The following GLT1D1 variants were observed in gnomAD, a reference collection of about 807,000 sequenced individuals.
GLT1D1 encodes the protein glycosyltransferase 1 domain-containing protein 1.
Under a neutral mutation model 28.7 loss-of-function variants are expected in GLT1D1, and 21 were observed. That is an observed-to-expected ratio of 0.73 (90% CI 0.52 to 1.05). GLT1D1 has a LOEUF of 1.05. Among genes scored for constraint, GLT1D1 ranks in the 50% least tolerant of loss-of-function variants. The pLI is 0.00. For missense variants in GLT1D1, 343 were observed against 330.6 expected, an observed-to-expected ratio of 1.04 and a Z score of -0.29; for synonymous variants, 147 against 124.8, an observed-to-expected ratio of 1.18 and a Z score of -1.19.
At chr12:128,872,196 G>A (rs1956708243) in intron 1 of GLT1D1, among the ~76,000 whole-genome samples, 2 of 151,708 alleles carry the variant, frequency 1.3e-5, no homozygotes, top group African/African-American at 2.4e-5. Flanking sequence ...CGCCTACCTC[G>A]GCCTCCCAAA....
At chr12:128,875,383 C>G (rs1487607239) in intron 1 of GLT1D1, among the ~76,000 whole-genome samples, 2 of 152,212 alleles carry the variant, frequency 1.3e-5, no homozygotes, top group Non-Finnish European at 2.9e-5. Flanking sequence ...TCCTGGGTAT[C>G]TGAGACTGGC....
At chr12:128,933,364 C>T (rs1243406581) in intron 4 of GLT1D1, among the ~76,000 whole-genome samples, 6 of 152,286 alleles carry the variant, frequency 3.9e-5, no homozygotes, top group Non-Finnish European at 8.8e-5. Context: ...ACGTCAGAAA[C>T]AAGCTCTATT....
intron 1 of GLT1D1, among the ~76,000 whole-genome samples, chr12:128,866,943 G>A (rs1336094653): frequency 2.6e-5 from 4 of 151,980 alleles, no homozygotes; most frequent in East Asian, 2.0e-4. Flanking sequence ...CTTCTTTAGC[G>A]GGAACTCCCC....
intron 7 of GLT1D1, among the ~76,000 whole-genome samples, chr12:128,975,038 C>A (rs76171418): frequency 6.6e-6 from 1 of 152,106 alleles, no homozygotes; most frequent in Non-Finnish European, 1.5e-5. Flanking sequence ...AGTGCCCCCC[C>A]GCACCTGCAC....
rs146284838 is a variant in GLT1D1, at chr12:128,960,588, C to G, written c.639+2945C>G. Among the ~76,000 whole-genome samples the G allele has an allele frequency of 2.3e-3, 357 of 151,966 alleles. 3 individuals carry two copies. The highest frequency in any genetic ancestry group is 7.9e-3 in the African/African-American group (328 of 41,418). ...GCCTGGCAAACATGCAAAACCCTGT[C>G]TCTACTAAAAATATGAAAATGAGCC... On this transcript the variant is annotated intron_variant, in intron 7 of 7. Coordinates refer to ENST00000281703, the MANE Select transcript of GLT1D1 (RefSeq NM_144669.3).
At chr12:128,861,555 G>A (rs923904827) in intron 1 of GLT1D1, among the ~76,000 whole-genome samples, 2 of 152,218 alleles carry the variant, frequency 1.3e-5, no homozygotes, top group Non-Finnish European at 2.9e-5. Context: ...CCAGCCAGGA[G>A]TGTGTTGACA....
At chr12:128,978,897 G>A (rs1051590534) in intron 7 of GLT1D1, among the ~76,000 whole-genome samples, 3 of 152,182 alleles carry the variant, frequency 2.0e-5, no homozygotes, top group Admixed American at 6.5e-5. Context: ...TGGGGCTGGC[G>A]GGAGTGTAGC....
Position 128,984,709 on chromosome 12 carries a change from G to A in GLT1D1, c.*1619G>A, listed in dbSNP as rs1362409182. On this transcript the variant is annotated 3_prime_UTR_variant, in exon 8 of 8. Coordinates refer to ENST00000281703, the MANE Select transcript of GLT1D1 (RefSeq NM_144669.3). ...GAGGATGGCCTGGTCTGAATCTGGA[G>A]TAATTAATGCCACCCAAAGAAAAGG... The A allele has an allele frequency of 6.6e-6, 1 of 152,306 alleles. No individual in the cohort carries two copies. Among genetic ancestry groups the A allele is most frequent in the Non-Finnish European group, 1.5e-5 (1 of 68,160 alleles). The allele number at this position is 152,306 out of a possible 1,614,324, so 9.4% of individuals were successfully genotyped here.
intron 6 of GLT1D1, among the ~76,000 whole-genome samples, chr12:128,949,264 G>C (rs1052147675): frequency 6.6e-6 from 1 of 152,064 alleles, no homozygotes; most frequent in South Asian, 2.1e-4. Context: ...CGGATGAATC[G>C]CTGTCAAACC....
intron 1 of GLT1D1, among the ~76,000 whole-genome samples, chr12:128,869,426 T>A (rs1190576018): frequency 1.3e-5 from 2 of 152,120 alleles, no homozygotes; most frequent in Admixed American, 6.6e-5. Flanking sequence ...CGTCTTGGCC[T>A]CCTAAAGTGC....
chr12:128,970,424 G>T (rs530777552), intron 7 of GLT1D1, among the ~76,000 whole-genome samples: 1 of 152,202 alleles, frequency 6.6e-6, no homozygotes, highest in Non-Finnish European at 1.5e-5. Context: ...GGGCTGTAGG[G>T]TCTTGCCTGG....
At chr12:128,868,544 G>A (rs1161491460) in intron 1 of GLT1D1, among the ~76,000 whole-genome samples, 2 of 152,222 alleles carry the variant, frequency 1.3e-5, no homozygotes, top group Admixed American at 6.5e-5. Context: ...ACTAACAGGT[G>A]TTGTGGATCT....
intron 1 of GLT1D1, among the ~76,000 whole-genome samples, chr12:128,869,989 C>A (rs1956642198): frequency 6.8e-6 from 1 of 147,548 alleles, no homozygotes; most frequent in Non-Finnish European, 1.5e-5. Context: ...TGGCTTACTG[C>A]AACCTCTGTG....
chr12:128,912,216 T>C (rs1363148819), intron 4 of GLT1D1, among the ~76,000 whole-genome samples: 1 of 152,240 alleles, frequency 6.6e-6, no homozygotes, highest in Non-Finnish European at 1.5e-5. Flanking sequence ...TTATAGATGC[T>C]GTATTTTTAA....
intron 2 of GLT1D1, among the ~76,000 whole-genome samples, chr12:128,884,704 C>A (rs567361300): frequency 6.6e-6 from 1 of 151,992 alleles, no homozygotes; most frequent in African/African-American, 2.4e-5. Context: ...ATCCCAGCTA[C>A]TTGGGAGGCT....
At chr12:128,973,245 C>T (rs185871682) in intron 7 of GLT1D1, among the ~76,000 whole-genome samples, 1 of 126,982 alleles carries the variant, frequency 7.9e-6, no homozygotes. Flanking sequence ...TCCAGTGACA[C>T]GATATTGGCT....
At chr12:128,932,959 C>T (rs917201537) in intron 4 of GLT1D1, among the ~76,000 whole-genome samples, 19 of 152,216 alleles carry the variant, frequency 1.2e-4, no homozygotes, top group African/African-American at 3.4e-4. Context: ...TAAGAAATTA[C>T]AAGCCCCTTC....
At chr12:128,955,883 G>A (rs1877220482) in intron 6 of GLT1D1, among the ~76,000 whole-genome samples, 1 of 151,748 alleles carries the variant, frequency 6.6e-6, no homozygotes, top group Admixed American at 6.6e-5. Flanking sequence ...GTGGTGCTTT[G>A]GGATTTGGGG....
At chr12:128,958,463 T>C (rs1042512978) in intron 7 of GLT1D1, among the ~76,000 whole-genome samples, 2 of 151,614 alleles carry the variant, frequency 1.3e-5, no homozygotes, top group Admixed American at 1.3e-4. Flanking sequence ...CTGGGTGCAG[T>C]GGTTCAGTGG....
Sources: gnomAD v4.1 joint callset for allele counts (sites outside exome capture counted in the v4.1 genomes callset) on GRCh38, gnomAD v4.1.1 for gene constraint, MANE v1.5 for transcripts, NCBI Gene and HGNC (gene_info 2026-07-23, HGNC 2026-07-21) for gene names.